Variants in DAB1 observed in about 807,000 individuals in gnomAD.
The protein encoded by DAB1 is DAB adaptor protein 1.
In DAB1, 15 loss-of-function variants were observed where a neutral mutation model predicts 64.6. The observed-to-expected ratio is 0.23, with a 90% confidence interval of 0.16 to 0.36. The LOEUF is 0.36. DAB1 is among the 10% of genes least tolerant of loss of function. The pLI is 1.00. For synonymous variants in DAB1, 235 were observed against 251.9 expected, an observed-to-expected ratio of 0.93 and a Z score of 0.64; for missense variants, 596 against 706.7, an observed-to-expected ratio of 0.84 and a Z score of 1.78.
At chr1:57,585,167 C>T (rs938593867) in intron 7 of DAB1, among the ~76,000 whole-genome samples, 4 of 146,326 alleles carry the variant, frequency 2.7e-5, no homozygotes, top group Non-Finnish European at 6.0e-5. Flanking sequence ...GAGAATCGCT[C>T]GAACCTGGGA....
intron 3 of DAB1, among the ~76,000 whole-genome samples, chr1:58,451,902 A>T (rs947329093): frequency 6.6e-6 from 1 of 150,852 alleles, no homozygotes; most frequent in African/African-American, 2.5e-5. Flanking sequence ...GAAGCAAAGC[A>T]TCCACTTTTT....
chr1:58,250,617 A>G (rs1050483037), intron 4 of DAB1, among the ~76,000 whole-genome samples: 1 of 152,200 alleles, frequency 6.6e-6, no homozygotes, highest in Non-Finnish European at 1.5e-5. Flanking sequence ...CTGCAGGAAG[A>G]GGTGGCGCGG....
At chr1:57,089,459 C>T (rs1473477748) in intron 4 of DAB1, among the ~76,000 whole-genome samples, 1 of 152,030 alleles carries the variant, frequency 6.6e-6, no homozygotes, top group Non-Finnish European at 1.5e-5. Context: ...CAGAGCAACC[C>T]CTTATTGCAA....
At chr1:58,365,134 T>C (rs905659329) in intron 3 of DAB1, among the ~76,000 whole-genome samples, 7 of 152,230 alleles carry the variant, frequency 4.6e-5, no homozygotes, top group Admixed American at 1.3e-4. Flanking sequence ...CTTCTCTTCT[T>C]GGTTCAGTGG....
chr1:57,686,201 A>G (rs1646695687), intron 6 of DAB1, among the ~76,000 whole-genome samples: 1 of 152,192 alleles, frequency 6.6e-6, no homozygotes, highest in Non-Finnish European at 1.5e-5. Context: ...TATAATCAGA[A>G]ATGACAAAGA....
At chr1:57,116,461 C>CAAAAAAAAAAAA (rs61590002) in intron 4 of DAB1, among the ~76,000 whole-genome samples, 58 of 71,772 alleles carry the variant, frequency 8.1e-4, no homozygotes, top group Non-Finnish European at 9.3e-4. Flanking sequence ...GACTCTGTCT[C>CAAAAAAAAAAAA]AAAAAAAAAA....
At chr1:58,525,136 C>G (rs559764789) in intron 2 of DAB1, among the ~76,000 whole-genome samples, 1 of 152,002 alleles carries the variant, frequency 6.6e-6, no homozygotes, top group African/African-American at 2.4e-5. Context: ...TTTTCATAAC[C>G]GATTTGTGTT....
chr1:57,341,202 A>G (rs143204404), intron 1 of DAB1, among the ~76,000 whole-genome samples: 411 of 152,148 alleles, frequency 2.7e-3, no homozygotes, highest in South Asian at 4.0e-3. Flanking sequence ...TATGCTCTTA[A>G]CCCCCATGTG....
chr1:57,519,710 G>C (rs776448867), intron 7 of DAB1, among the ~76,000 whole-genome samples: 2 of 152,098 alleles, frequency 1.3e-5, no homozygotes, highest in South Asian at 2.1e-4. Context: ...GTAAGGATTT[G>C]GGAAAATTGC....
At chr1:58,440,982 CA>C (rs1186826362) in intron 3 of DAB1, among the ~76,000 whole-genome samples, 2 of 152,194 alleles carry the variant, frequency 1.3e-5, no homozygotes, top group Non-Finnish European at 2.9e-5. Context: ...AAAAACAGTG[CA>C]AAACACGTGC....
intron 3 of DAB1, among the ~76,000 whole-genome samples, chr1:58,470,116 CTTTATTTATTTATTTATTTATTTA>C (rs72061301): frequency 1.4e-4 from 20 of 145,082 alleles, no homozygotes; most frequent in Middle Eastern, 3.5e-3. Context: ...GGGACTTTCT[CTTTATTTATTTATTTATTTATTTA>C]TTTATTTATT....
At chr1:58,248,709 A>C (rs1239783397) in intron 4 of DAB1, among the ~76,000 whole-genome samples, 2 of 152,182 alleles carry the variant, frequency 1.3e-5, no homozygotes, top group African/African-American at 4.8e-5. Flanking sequence ...ATGGGGCTGC[A>C]GTGGTGGAGG....
chr1:57,648,996 T>A (rs1370136850), intron 7 of DAB1, among the ~76,000 whole-genome samples: 1 of 152,214 alleles, frequency 6.6e-6, no homozygotes, highest in East Asian at 1.9e-4. Flanking sequence ...AATAGGCGTT[T>A]TCAATTGTGG....
At chr1:58,523,481 T>C (rs1646299014) in intron 2 of DAB1, among the ~76,000 whole-genome samples, 1 of 152,188 alleles carries the variant, frequency 6.6e-6, no homozygotes, top group East Asian at 1.9e-4. Context: ...TAAAGGTCCT[T>C]ATGGCCCTCT....
intron 3 of DAB1, among the ~76,000 whole-genome samples, chr1:58,407,298 C>T (rs1410712281): frequency 1.3e-5 from 2 of 152,158 alleles, no homozygotes; most frequent in Non-Finnish European, 2.9e-5. Flanking sequence ...TCCCTTCCAC[C>T]CCTTTTCTAT....
intron 6 of DAB1, among the ~76,000 whole-genome samples, chr1:57,710,931 A>G (rs940036127): frequency 2.0e-5 from 3 of 152,186 alleles, no homozygotes; most frequent in Admixed American, 6.5e-5. Flanking sequence ...TGGGGCAGGC[A>G]GGAGGGTCAG....
intron 9 of DAB1, among the ~76,000 whole-genome samples, chr1:57,055,222 G>T (rs912845182): frequency 3.3e-5 from 5 of 152,182 alleles, no homozygotes; most frequent in Admixed American, 3.3e-4. Context: ...CAGATGAAAT[G>T]TATATTTCTA....
intron 1 of DAB1, among the ~76,000 whole-genome samples, chr1:57,849,420 T>C (rs1653424472): frequency 1.3e-5 from 2 of 152,076 alleles, no homozygotes; most frequent in Admixed American, 1.3e-4. Flanking sequence ...AAGTGAGAAA[T>C]CTAACAAAAT....
chr1:57,534,421 A>C (rs1420146586), intron 7 of DAB1, among the ~76,000 whole-genome samples: 2 of 152,118 alleles, frequency 1.3e-5, no homozygotes, highest in Non-Finnish European at 2.9e-5. Flanking sequence ...CTTCCTTCCA[A>C]GTGCTGGGCT....
Sources: gnomAD v4.1 joint callset for allele counts (sites outside exome capture counted in the v4.1 genomes callset) on GRCh38, gnomAD v4.1.1 for gene constraint, MANE v1.5 for transcripts, NCBI Gene and HGNC (gene_info 2026-07-23, HGNC 2026-07-21) for gene names.